The following BTBD9 variants were observed in gnomAD, a reference collection of about 807,000 sequenced individuals.
BTBD9 encodes BTB/POZ domain-containing protein 9.
A neutral mutation model predicts 64.3 loss-of-function variants in BTBD9; 49 were observed. The observed-to-expected ratio is 0.76, with a 90% CI of 0.61 to 0.97. The LOEUF (loss-of-function observed/expected upper bound fraction) is 0.97. Ranked by LOEUF, BTBD9 falls within the 50% of genes least tolerant of loss-of-function variation. The probability of loss-of-function intolerance (pLI) is 0.00; values close to 1 mark genes in which losing one functional copy is unlikely to be tolerated. For synonymous variants in BTBD9, 260 were observed against 274.7 expected, an observed-to-expected ratio of 0.95 and a Z score of 0.53; for missense variants, 598 against 762.1, an observed-to-expected ratio of 0.78 and a Z score of 2.53.
chr6:38,198,407 G>A (rs905249187), intron 9 of BTBD9, among the ~76,000 whole-genome samples: 24 of 152,334 alleles, frequency 1.6e-4, no homozygotes, highest in Non-Finnish European at 2.2e-4. Flanking sequence ...CAGCAAGGGA[G>A]GGTTTGCGTG....
At chr6:38,462,843 G>C (rs185432638) in intron 6 of BTBD9, among the ~76,000 whole-genome samples, 288 of 152,218 alleles carry the variant, frequency 1.9e-3, no homozygotes, top group African/African-American at 6.7e-3. Context: ...CTGTCGCCCA[G>C]GCTGGAGTGC....
chr6:38,585,593 A>G (rs952529548), intron 4 of BTBD9, among the ~76,000 whole-genome samples: 7 of 152,184 alleles, frequency 4.6e-5, no homozygotes, highest in Non-Finnish European at 8.8e-5. Flanking sequence ...TACAGGTGTG[A>G]GCCACTGCAC....
chr6:38,597,565 C>T (rs949716951), intron 2 of BTBD9, among the ~76,000 whole-genome samples: 2 of 152,124 alleles, frequency 1.3e-5, no homozygotes, highest in Non-Finnish European at 2.9e-5. Context: ...GGGCAGTCTA[C>T]CTATGCAAAA....
At chr6:38,177,037 G>A (rs917770091) in intron 10 of BTBD9, among the ~76,000 whole-genome samples, 1 of 152,090 alleles carries the variant, frequency 6.6e-6, no homozygotes, top group Non-Finnish European at 1.5e-5. Flanking sequence ...ACGCCCACAC[G>A]CAGGACTTTT....
At chr6:38,182,077 A>G (rs551943936) in intron 10 of BTBD9, among the ~76,000 whole-genome samples, 13 of 152,350 alleles carry the variant, frequency 8.5e-5, no homozygotes, top group Admixed American at 5.2e-4. Flanking sequence ...ACAAATTTTC[A>G]GTATTGCTTA....
chr6:38,441,164 A>G (rs1273944664), intron 6 of BTBD9, among the ~76,000 whole-genome samples: 1 of 152,120 alleles, frequency 6.6e-6, no homozygotes, highest in Non-Finnish European at 1.5e-5. Context: ...CCAGGCCCAA[A>G]GTGTTGTGGG....
intron 6 of BTBD9, among the ~76,000 whole-genome samples, chr6:38,513,806 G>A (rs969062537): frequency 1.3e-5 from 2 of 152,182 alleles, no homozygotes; most frequent in African/African-American, 2.4e-5. Flanking sequence ...CTGTCTGTGC[G>A]TACCAGTGCA....
chr6:38,380,758 T>C (rs1354516224), intron 6 of BTBD9, among the ~76,000 whole-genome samples: 4 of 152,138 alleles, frequency 2.6e-5, no homozygotes, highest in African/African-American at 9.7e-5. Context: ...GGTGGGAGGA[T>C]CCCTTGAGCA....
chr6:38,432,873 T>A (rs1051935479), intron 6 of BTBD9, among the ~76,000 whole-genome samples: 1 of 152,134 alleles, frequency 6.6e-6, no homozygotes, highest in Middle Eastern at 3.4e-3. Flanking sequence ...TCCAGTTCTG[T>A]TGCATGGCCA....
At chr6:38,358,769 C>T (rs1275181387) in intron 6 of BTBD9, among the ~76,000 whole-genome samples, 2 of 146,168 alleles carry the variant, frequency 1.4e-5, no homozygotes, top group Non-Finnish European at 3.0e-5. Flanking sequence ...GGATTGTGAC[C>T]TTTTTTTTTT....
At chr6:38,317,206 AGG>A (rs1213760338) in intron 7 of BTBD9, among the ~76,000 whole-genome samples, 1 of 152,100 alleles carries the variant, frequency 6.6e-6, no homozygotes, top group Non-Finnish European at 1.5e-5. Flanking sequence ...TATGTTGGCC[AGG>A]CTGATCTTGA....
At chr6:38,595,794 TA>T (rs34596681) in intron 2 of BTBD9, 1 of 985,368 alleles carries the variant, frequency 1.0e-6, no homozygotes, top group Non-Finnish European at 1.2e-6. Flanking sequence ...ATACTCTGCC[TA>T]AAAGTACCCC....
intron 6 of BTBD9, among the ~76,000 whole-genome samples, chr6:38,353,785 G>C (rs1412072170): frequency 1.3e-5 from 2 of 152,144 alleles, no homozygotes; most frequent in African/African-American, 4.8e-5. Flanking sequence ...GAGTCTAATG[G>C]AATTGTGAAC....
At chr6:38,270,964 G>A (rs1348905255) in intron 8 of BTBD9, among the ~76,000 whole-genome samples, 1 of 152,120 alleles carries the variant, frequency 6.6e-6, no homozygotes, top group Non-Finnish European at 1.5e-5. Flanking sequence ...GGAAAGGAGG[G>A]AGATGGATTT....
At chr6:38,531,693 G>T (rs1773806760) in intron 6 of BTBD9, among the ~76,000 whole-genome samples, 1 of 152,150 alleles carries the variant, frequency 6.6e-6, no homozygotes, top group Non-Finnish European at 1.5e-5. Context: ...TTTTAAAAAA[G>T]CAGGGAGGTA....
rs4273684 is a variant in BTBD9, at chr6:38,545,855, T to C, written c.1154+31745A>G. The stretch of plus-strand genomic sequence containing the variant: ...TATTTAAAACACACACACACACACA[T>C]ACACACACACACACACACACACACA... On this transcript the variant is annotated intron_variant, in intron 6 of 10. Transcript: ENST00000481247. Among the ~76,000 whole-genome samples the C allele has an allele frequency of 5.4e-3, 708 of 130,514 alleles. 5 individuals carry two copies. The highest frequency in any genetic ancestry group is 0.012 in the African/African-American group (402 of 34,222). The allele number at this position is 130,514 out of a possible 152,430, so 85.6% of individuals were successfully genotyped here. A position where few individuals can be genotyped will look rare whatever the true frequency, so the allele number is the denominator to read the frequency against.
chr6:38,376,996 C>T (rs1765717604), intron 6 of BTBD9, among the ~76,000 whole-genome samples: 1 of 152,146 alleles, frequency 6.6e-6, no homozygotes, highest in African/African-American at 2.4e-5. Flanking sequence ...GACATAGGTT[C>T]CTTGAGCAAA....
At chr6:38,190,467 TAAAAAA>T (rs70981527) in intron 10 of BTBD9, among the ~76,000 whole-genome samples, 1 of 77,516 alleles carries the variant, frequency 1.3e-5, no homozygotes, top group Non-Finnish European at 2.4e-5. Context: ...AAACTCTGTC[TAAAAAA>T]AAAAAAAAAA....
At position 38,465,766 on chromosome 6, in the gene BTBD9, T is replaced by C. The variant is rs1474495252; in HGVS notation, c.1154+111834A>G. 4.6e-5 allele frequency among the ~76,000 whole-genome samples: 6 copies of C among 131,468 alleles called. No individual in the cohort carries two copies. In the South Asian group the frequency reaches 1.0e-3, roughly 22 times the overall value. 86.2% of individuals were successfully genotyped at this position (131,468 alleles called of 152,430 possible). ...ATATATATATATATATGTATGTATG[T>C]ATGTATTTCAGTTATTTATTTCTTC... On this transcript the variant is annotated intron_variant, in intron 6 of 10. Transcript: ENST00000481247.
Sources: gnomAD v4.1 joint callset for allele counts (sites outside exome capture counted in the v4.1 genomes callset) on GRCh38, gnomAD v4.1.1 for gene constraint, MANE v1.5 for transcripts, NCBI Gene and HGNC (gene_info 2026-07-23, HGNC 2026-07-21) for gene names.